The following EPHA10 variants were observed in gnomAD, a reference collection of about 807,000 sequenced individuals.
The protein encoded by EPHA10 is EPH receptor A10, also known as ephrin type-A receptor 10.
EPHA10 carries 120 observed loss-of-function variants against 109.7 expected under a neutral mutation model. The ratio of observed to expected loss-of-function variants is 1.09; its 90% CI spans 0.94 to 1.27. The LOEUF (loss-of-function observed/expected upper bound fraction) is 1.27, where lower values mean the gene tolerates loss of function less well. EPHA10 is among the 50% of genes most tolerant of loss of function. The pLI is 0.00. For synonymous variants in EPHA10, 640 were observed against 618.9 expected (o/e 1.03, Z -0.51); for missense variants, 1,396 against 1,411.1 (o/e 0.99, Z 0.17).
chr1:37,721,444 A>C (rs1303965416), intron 11 of EPHA10, among the ~76,000 whole-genome samples: 1 of 150,832 alleles, frequency 6.6e-6, no homozygotes, highest in Non-Finnish European at 1.5e-5. Flanking sequence ...AAAAAAAAAG[A>C]AAGAAAGAAA....
chr1:37,727,872 G>A (rs1433825165), intron 7 of EPHA10, among the ~76,000 whole-genome samples: 2 of 152,150 alleles, frequency 1.3e-5, no homozygotes, highest in East Asian at 1.9e-4. Flanking sequence ...GAGGACCCTC[G>A]CTCTCAGCCC....
intron 5 of EPHA10, among the ~76,000 whole-genome samples, chr1:37,737,149 G>C (rs1050862745): frequency 6.6e-6 from 1 of 152,084 alleles, no homozygotes; most frequent in African/African-American, 2.4e-5. Flanking sequence ...ACAATCATGG[G>C]AAGGAAAAAT....
chr1:37,714,100 G>C (rs1310431573), downstream of EPHA10: 1 of 152,184 alleles, frequency 6.6e-6, no homozygotes. Flanking sequence ...CTCTCCACCT[G>C]TCCCAAGGAA....
chr1:37,753,675 TGAGTGG>T (rs1646364001), intron 4 of EPHA10, among the ~76,000 whole-genome samples: 1 of 6,702 alleles, frequency 1.5e-4, no homozygotes, highest in Non-Finnish European at 4.3e-4. Flanking sequence ...GGAGCAGGGG[TGAGTGG>T]GAGCAGGGGC....
chr1:37,718,683 C>T lies in EPHA10; in HGVS notation c.2890G>A (p.Ala964Thr). ...CACTGGGCAGTCATCTCGGCCACGG[C>T]CTCCAGGCTCCCATAGCCAGCAGCC... ...FAAAGYGSLE[A>T]VAEMTAQDLV... The change falls in exon 16 of 17, where the codon GCC becomes ACC. Residue 964 changes from alanine to threonine, a missense_variant. Ala to Thr is a moderately conservative substitution (Grantham distance 58). Transcript: ENST00000373048. 6.2e-7 allele frequency: 1 copy of T among 1,613,202 alleles called. No homozygotes were observed. The highest frequency in any genetic ancestry group is 1.7e-5 in the Admixed American group (1 of 60,034).
chr1:37,746,865 T>C (rs986378788), intron 5 of EPHA10, among the ~76,000 whole-genome samples: 2 of 152,178 alleles, frequency 1.3e-5, no homozygotes, highest in Admixed American at 6.5e-5. Flanking sequence ...AAGCCAGACA[T>C]GCAAGTTCAC....
chr1:37,764,074 G>T lies in EPHA10; in HGVS notation c.106+887C>A, dbSNP rs1569777264. On this transcript the variant is annotated intron_variant, in intron 1 of 16. Transcript: ENST00000373048. This position sits in a 1 kb window ranked among gnomAD's most constrained non-coding sequence, Gnocchi z 5.8. Reference sequence around the variant, plus strand: ...TGGACAGCAGAGTCCGCAGACCAGAGACAGGAGGTCAGGACACCCCGGAGT... The same window carrying T: ...TGGACAGCAGAGTCCGCAGACCAGATACAGGAGGTCAGGACACCCCGGAGT... Among the ~76,000 whole-genome samples, 1 of 152,316 alleles carries T rather than the reference G, an allele frequency of 6.6e-6. No homozygotes were observed. The highest frequency in any genetic ancestry group is 2.4e-5 in the African/African-American group (1 of 41,568).
At chr1:37,753,908 GAGGGT>G (rs1260207711) in intron 4 of EPHA10, among the ~76,000 whole-genome samples, 1 of 152,078 alleles carries the variant, frequency 6.6e-6, no homozygotes, top group African/African-American at 2.4e-5. Context: ...CTTTCGGCTG[GAGGGT>G]AGGCAGGGTG....
intron 10 of EPHA10, chr1:37,722,220 T>C: frequency 4.2e-6 from 1 of 235,440 alleles, no homozygotes; most frequent in East Asian, 1.3e-4. Context: ...ATTCCATCTC[T>C]TTCCTTTTCT....
rs759686366 is a variant in EPHA10, at chr1:37,721,754, G to A, written c.2052C>T (p.Ser684=). 4.1e-5 allele frequency: 66 copies of A among 1,612,458 alleles called. No individual in the cohort carries two copies. The highest frequency in any genetic ancestry group is 8.0e-5 in the African/African-American group (6 of 74,888). The stretch of plus-strand genomic sequence containing the variant: ...CCAGGAAGCCGAGCCTCTGTGAGTC[G>A]GAGGCGCTGTCCCTCAGCATATGCA... The part of the protein sequence containing the change: ...VAVHMLRDSA[S]DSQRLGFLAE... The change falls in exon 11 of 17, where the codon TCC becomes TCT. Residue 684 remains serine, a synonymous_variant. Coordinates refer to ENST00000373048, the MANE Select transcript of EPHA10 (RefSeq NM_001099439.2).
intron 2 of EPHA10, 112 bp downstream of exon 2, chr1:37,762,673 A>G (rs1646443655): frequency 1.1e-6 from 1 of 893,166 alleles, no homozygotes. Flanking sequence ...GCTGCTGGAG[A>G]CCACACACTC....
In EPHA10 at chr1:37,717,707, C is replaced by T. The variant is rs1264875722; in HGVS notation, c.*665G>A. 5 of 231,402 alleles carry T rather than the reference C, an allele frequency of 2.2e-5. No individual in the cohort carries two copies. The East Asian group carries it at 3.1e-4, about 14-fold the overall frequency. The allele number at this position is 231,402 out of a possible 1,614,324, so 14.3% of individuals were successfully genotyped here. A position where few individuals can be genotyped will look rare whatever the true frequency, so the allele number is the denominator to read the frequency against. The stretch of plus-strand genomic sequence containing the variant: ...CCTGGCCAGGACTTTTGGCCTCACC[C>T]TGAACTGTCAGCCCAAGGCAGGGGG... On this transcript the variant is annotated 3_prime_UTR_variant, in exon 17 of 17. Coordinates refer to ENST00000373048, the MANE Select transcript of EPHA10 (RefSeq NM_001099439.2).
intron 5 of EPHA10, among the ~76,000 whole-genome samples, chr1:37,736,476 C>CAAAAAAA (rs543417433): frequency 5.2e-5 from 3 of 57,840 alleles, no homozygotes; most frequent in Non-Finnish European, 6.1e-5. Flanking sequence ...AATTCTGTCT[C>CAAAAAAA]AAAAAAAAAA....
chr1:37,750,544 A>C (rs1646306800), intron 5 of EPHA10, among the ~76,000 whole-genome samples: 1 of 152,124 alleles, frequency 6.6e-6, no homozygotes, highest in Non-Finnish European at 1.5e-5. Flanking sequence ...TATTTGAGCT[A>C]TCAGAAGTTC....
In EPHA10 at chr1:37,761,566, A is replaced by G. The variant is rs781032115; in HGVS notation, c.689T>C (p.Phe230Ser). Residue 230 changes from phenylalanine to serine, a missense_variant, in exon 3 of 17, where the codon TTC becomes TCC. Physicochemically the swap from Phe to Ser is radical, Grantham distance 155 (BLOSUM62 -2). Coordinates refer to ENST00000373048, the MANE Select transcript of EPHA10 (RefSeq NM_001099439.2). ...TFPATAAESA[F>S]STLVEVAGTC... ...TCCGGCCACTTCCACCAGTGTGGAG[A>G]AGGCGCTCTCGGCTGCGGTGGCTGG... 9.4e-6 allele frequency: 15 copies of G among 1,598,648 alleles called. No individual in the cohort carries two copies. Among genetic ancestry groups the G allele is most frequent in the Admixed American group, 8.4e-5 (5 of 59,422 alleles).
intron 5 of EPHA10, among the ~76,000 whole-genome samples, chr1:37,737,516 G>C (rs1290886497): frequency 6.6e-6 from 1 of 152,196 alleles, no homozygotes; most frequent in Admixed American, 6.5e-5. Context: ...AGAAAGGATA[G>C]TCTCTTCACC....
At chr1:37,733,447 G>T (rs541952043) in intron 6 of EPHA10, among the ~76,000 whole-genome samples, 148 of 152,274 alleles carry the variant, frequency 9.7e-4, no homozygotes, top group Non-Finnish European at 1.8e-3. Context: ...TTGAACTCCT[G>T]GCCTCAAGCC....
rs1395829481 is a variant in EPHA10 at position 37,720,322 on chromosome 1, C to T, written c.2412+29G>A. On this transcript the variant is annotated intron_variant, in intron 13 of 16. Coordinates refer to ENST00000373048, the MANE Select transcript of EPHA10 (RefSeq NM_001099439.2). ...GCAGCTTGGTGGGAACCAGAAGGCA[C>T]AGGCAGGCTTGGCTGGGGGCGCCCT... is the stretch of plus-strand genomic sequence containing the variant. 5 of 1,573,708 alleles carry T rather than the reference C, an allele frequency of 3.2e-6. No individual in the cohort carries two copies. In the Admixed American group the frequency reaches 7.2e-5, roughly 23 times the overall value.
Position 37,761,397 on chromosome 1 carries a change from C to A in EPHA10, c.850+8G>T, listed in dbSNP as rs1646428627. ...CTCCCACCCCACGGCCCCCAGCCAACTGGATACCTTCGCAGAAGTCACCAC... is the reference window on the plus strand; with the variant it reads ...CTCCCACCCCACGGCCCCCAGCCAAATGGATACCTTCGCAGAAGTCACCAC... On this transcript the variant is annotated splice_region_variant and intron_variant, in intron 3 of 16. Coordinates refer to ENST00000373048, the MANE Select transcript of EPHA10 (RefSeq NM_001099439.2). 2 of 1,599,280 alleles carry A rather than the reference C, an allele frequency of 1.3e-6. No individual in the cohort carries two copies. The highest frequency in any genetic ancestry group is 1.7e-5 in the Admixed American group (1 of 59,952).
Sources: allele counts gnomAD v4.1 joint callset (sites outside exome capture counted in the v4.1 genomes callset), GRCh38; gene constraint gnomAD v4.1.1; non-coding constraint Gnocchi (gnomAD v3.1); transcripts MANE v1.5; gene names NCBI Gene and HGNC (gene_info 2026-07-23, HGNC 2026-07-21).